The following SAMD12 variants were observed in gnomAD, a reference collection of about 807,000 sequenced individuals.
SAMD12 encodes the protein sterile alpha motif domain containing 12.
SAMD12 carries 9 observed loss-of-function variants against 15.0 expected under a neutral mutation model. The observed-to-expected ratio is 0.60, with a 90% CI of 0.36 to 1.05. SAMD12 has a LOEUF of 1.05. Among genes scored for constraint, SAMD12 ranks in the 50% least tolerant of loss-of-function variants. SAMD12 has a pLI of 0.01. For synonymous variants in SAMD12, 86 were observed against 90.1 expected, an observed-to-expected ratio of 0.96 and a Z score of 0.25; for missense variants, 230 against 234.2, an observed-to-expected ratio of 0.98 and a Z score of 0.12.
chr8:118,433,915 C>T (rs1822496955), intron 3 of SAMD12, among the ~76,000 whole-genome samples: 2 of 152,144 alleles, frequency 1.3e-5, no homozygotes, highest in African/African-American at 2.4e-5. Flanking sequence ...CTCGTAAGTA[C>T]ATCACATAAA....
chr8:118,535,596 C>T (rs1825816907), intron 2 of SAMD12, among the ~76,000 whole-genome samples: 1 of 152,240 alleles, frequency 6.6e-6, no homozygotes, highest in South Asian at 2.1e-4. Flanking sequence ...TGGGTTCCAC[C>T]CAGTTCCAGC....
intron 1 of SAMD12, among the ~76,000 whole-genome samples, chr8:118,586,117 C>A (rs1277186092): frequency 3.9e-5 from 6 of 152,274 alleles, no homozygotes; most frequent in Non-Finnish European, 8.8e-5. Context: ...GCTCCCCAAC[C>A]AAGGAACCCC....
chr8:118,463,225 G>T (rs754795550), intron 2 of SAMD12, among the ~76,000 whole-genome samples: 3 of 152,096 alleles, frequency 2.0e-5, no homozygotes, highest in African/African-American at 7.2e-5. Flanking sequence ...AGGTGGTGGG[G>T]CTAGAACCTT....
intron 4 of SAMD12, among the ~76,000 whole-genome samples, chr8:118,291,894 T>C (rs1358584638): frequency 6.6e-6 from 1 of 151,066 alleles, no homozygotes; most frequent in African/African-American, 2.4e-5. Context: ...GCCAACACCC[T>C]GTTAGGCACT....
rs112354110 is a variant in SAMD12, at chr8:118,291,670, T to C, written c.433+87890A>G. ...CCTATTATCATCTATTATTATTTAG[T>C]TCGCAGAAAAATCTCTGTCATTTTT... On this transcript the variant is annotated intron_variant, in intron 4 of 4. Transcript: ENST00000409003. 4.7e-3 allele frequency among the ~76,000 whole-genome samples: 716 copies of C among 152,054 alleles called. 6 individuals carry two copies. The highest frequency in any genetic ancestry group is 0.016 in the African/African-American group (646 of 41,504).
intron 4 of SAMD12, among the ~76,000 whole-genome samples, chr8:118,289,430 A>G (rs574686102): frequency 3.3e-5 from 5 of 152,334 alleles, no homozygotes; most frequent in African/African-American, 1.2e-4. Flanking sequence ...TCAAAATGGC[A>G]GGCAGTTAAA....
In SAMD12 at chr8:118,524,800, C is replaced by T. The variant is rs184431854; in HGVS notation, c.192+55915G>A. ...CCTCATGATCCATCATTGAAAAATG[C>T]TACTGTATCTTCAAAACATACCAAG... On this transcript the variant is annotated intron_variant, in intron 2 of 3. Transcript: ENST00000314727. Among the ~76,000 whole-genome samples, 7 of 152,244 alleles carry T rather than the reference C, an allele frequency of 4.6e-5. No individual in the cohort carries two copies. The East Asian group carries it at 1.4e-3, about 29-fold the overall frequency.
chr8:118,133,753 GT>G, the SAMD12 span, among the ~76,000 whole-genome samples: 3,946 of 151,826 alleles, frequency 0.026, 171 homozygotes, highest in African/African-American at 0.09. Context: ...GGTGGTGGTT[GT>G]TTTTTGCTTC....
chr8:118,577,437 T>C (rs1827181418), intron 2 of SAMD12, among the ~76,000 whole-genome samples: 3 of 152,158 alleles, frequency 2.0e-5, no homozygotes, highest in Admixed American at 1.3e-4. Flanking sequence ...AATCCACATA[T>C]ATACACAGAC....
chr8:118,376,666 T>C (rs1268842451), downstream of SAMD12, among the ~76,000 whole-genome samples: 1 of 152,168 alleles, frequency 6.6e-6, no homozygotes, highest in African/African-American at 2.4e-5. Context: ...CAGCCCCACG[T>C]GAGCCATGGA....
At chr8:118,511,304 T>G (rs1241627917) in intron 2 of SAMD12, among the ~76,000 whole-genome samples, 1 of 152,166 alleles carries the variant, frequency 6.6e-6, no homozygotes, top group Non-Finnish European at 1.5e-5. Flanking sequence ...GAAATTGAAA[T>G]GTTCATATGA....
intron 2 of SAMD12, among the ~76,000 whole-genome samples, chr8:118,519,526 C>T (rs1191872796): frequency 6.6e-6 from 1 of 152,196 alleles, no homozygotes; most frequent in African/African-American, 2.4e-5. Flanking sequence ...AATATATCTA[C>T]ATCCATTCTA....
intron 2 of SAMD12, among the ~76,000 whole-genome samples, chr8:118,538,686 C>T (rs1272507215): frequency 6.6e-6 from 1 of 152,190 alleles, no homozygotes; most frequent in African/African-American, 2.4e-5. Context: ...CTCTTCAGTG[C>T]CTGTTTCAGT....
chr8:118,494,932 C>CTGTCATCATAAGCACCTG (rs1308358903), intron 2 of SAMD12, among the ~76,000 whole-genome samples: 1 of 152,206 alleles, frequency 6.6e-6, no homozygotes, highest in Non-Finnish European at 1.5e-5. Flanking sequence ...AGTTCTGAAT[C>CTGTCATCATAAGCACCTG]TGTCACCTGT....
intron 4 of SAMD12, among the ~76,000 whole-genome samples, chr8:118,222,205 AGAG>A (rs1180009744): frequency 1.3e-5 from 2 of 151,926 alleles, no homozygotes; most frequent in Non-Finnish European, 2.9e-5. Context: ...AGGGAAAGCA[AGAG>A]GAGGAGGACT....
At chr8:118,136,983 T>C in the SAMD12 span, among the ~76,000 whole-genome samples, 2 of 152,186 alleles carry the variant, frequency 1.3e-5, no homozygotes, top group African/African-American at 4.8e-5. Flanking sequence ...TTCTCCGTGT[T>C]TTGAACAAAG....
intron 2 of SAMD12, among the ~76,000 whole-genome samples, chr8:118,476,335 A>C: frequency 6.6e-6 from 1 of 152,206 alleles, no homozygotes. Flanking sequence ...CTTTAGACAG[A>C]GGACAGGAGT....
the SAMD12 span, among the ~76,000 whole-genome samples, chr8:118,150,997 G>A: frequency 6.6e-6 from 1 of 152,056 alleles, no homozygotes; most frequent in African/African-American, 2.4e-5. Context: ...TTGAGCCCAG[G>A]AGTCAAGTCC....
intron 4 of SAMD12, among the ~76,000 whole-genome samples, chr8:118,299,902 G>C (rs746226002): frequency 2.0e-5 from 3 of 152,048 alleles, no homozygotes; most frequent in African/African-American, 7.2e-5. Flanking sequence ...CATCATAAAA[G>C]TTTCCTCAAA....
Sources: gnomAD v4.1 joint callset for allele counts (sites outside exome capture counted in the v4.1 genomes callset) on GRCh38, gnomAD v4.1.1 for gene constraint, MANE v1.5 for transcripts, NCBI Gene and HGNC (gene_info 2026-07-23, HGNC 2026-07-21) for gene names.